The following MAD1L1 variants were observed in gnomAD, a reference collection of about 807,000 sequenced individuals.
MAD1L1 encodes the protein mitotic arrest deficient 1 like 1, also known as mitotic spindle assembly checkpoint protein MAD1.
Under a neutral mutation model 96.9 loss-of-function variants are expected in MAD1L1, and 95 were observed. The ratio of observed to expected loss-of-function variants is 0.98; its 90% CI spans 0.83 to 1.16. MAD1L1 has a LOEUF of 1.16. MAD1L1 is among the 50% of genes most tolerant of loss of function. MAD1L1 has a pLI of 0.00. For synonymous variants in MAD1L1, 473 were observed against 396.6 expected, an observed-to-expected ratio of 1.19 and a Z score of -2.29; for missense variants, 1,007 against 954.4, an observed-to-expected ratio of 1.06 and a Z score of -0.73.
At chr7:2,098,049 T>C (rs536408490) in intron 11 of MAD1L1, among the ~76,000 whole-genome samples, 8 of 152,176 alleles carry the variant, frequency 5.3e-5, no homozygotes, top group Admixed American at 1.3e-4. Flanking sequence ...GGCAGCGGAA[T>C]CACTCATGCG....
intron 3 of MAD1L1, among the ~76,000 whole-genome samples, chr7:2,229,215 G>A (rs994433788): frequency 6.6e-6 from 1 of 152,188 alleles, no homozygotes; most frequent in Non-Finnish European, 1.5e-5. Context: ...CAGGGACTGG[G>A]AAAGAGGGTC....
intron 10 of MAD1L1, among the ~76,000 whole-genome samples, chr7:2,185,623 C>T (rs946409841): frequency 6.6e-6 from 1 of 152,044 alleles, no homozygotes; most frequent in African/African-American, 2.4e-5. Context: ...CACGTGCATG[C>T]TTCTAGATTT....
chr7:1,919,956 C>A (rs1462452223), intron 17 of MAD1L1, among the ~76,000 whole-genome samples: 2 of 152,124 alleles, frequency 1.3e-5, no homozygotes, highest in African/African-American at 4.8e-5. Context: ...CACACCCCTC[C>A]TCCAGTCCAC....
In MAD1L1 at chr7:2,225,398, G is replaced by A. The variant is rs567052819; in HGVS notation, c.291+12C>T. On this transcript the variant is annotated intron_variant, in intron 4 of 18. Transcript: ENST00000265854. ...GGCTGTCTGGGCCGACCCTCGCCCC[G>A]CCTGAACCCACCTCGTAGTTCCTGG... is the stretch of plus-strand genomic sequence containing the variant. 1.6e-5 allele frequency: 26 copies of A among 1,611,840 alleles called. No homozygotes were observed. Among genetic ancestry groups the A allele is most frequent in the African/African-American group, 4.1e-5 (3 of 73,542 alleles).
At chr7:2,192,153 G>A (rs1791757754) in intron 10 of MAD1L1, among the ~76,000 whole-genome samples, 2 of 150,782 alleles carry the variant, frequency 1.3e-5, no homozygotes, top group Admixed American at 1.3e-4. Flanking sequence ...TTTTTGAGAT[G>A]GAGTTTTGTC....
intron 11 of MAD1L1, among the ~76,000 whole-genome samples, chr7:2,141,071 C>A (rs1317619591): frequency 6.6e-6 from 1 of 152,228 alleles, no homozygotes; most frequent in African/African-American, 2.4e-5. Flanking sequence ...CGGAGGCACC[C>A]CGGACAGACC....
intron 12 of MAD1L1, among the ~76,000 whole-genome samples, chr7:2,050,504 C>A (rs1335773217): frequency 6.6e-6 from 1 of 152,196 alleles, no homozygotes; most frequent in Non-Finnish European, 1.5e-5. Flanking sequence ...GTTGAAGCAC[C>A]CACAGAACCA....
intron 10 of MAD1L1, among the ~76,000 whole-genome samples, chr7:2,151,516 C>A (rs1268112062): frequency 1.3e-5 from 2 of 152,254 alleles, no homozygotes; most frequent in African/African-American, 2.4e-5. Flanking sequence ...AGAGGGCACA[C>A]TGCCTGCCAC....
At chr7:2,003,326 G>A (rs1781889121) in intron 13 of MAD1L1, among the ~76,000 whole-genome samples, 1 of 152,172 alleles carries the variant, frequency 6.6e-6, no homozygotes, top group Non-Finnish European at 1.5e-5. Flanking sequence ...CACATGTGGT[G>A]GGGATGGGGG....
At chr7:1,959,223 G>C (rs1779852621) in intron 15 of MAD1L1, among the ~76,000 whole-genome samples, 2 of 152,156 alleles carry the variant, frequency 1.3e-5, no homozygotes. Context: ...GTGCACTCCA[G>C]CACTGACAGA....
chr7:1,899,734 G>C (rs1234189950), intron 17 of MAD1L1, among the ~76,000 whole-genome samples: 2 of 152,298 alleles, frequency 1.3e-5, no homozygotes, highest in East Asian at 1.9e-4. Context: ...TGCTGGCCAG[G>C]TCACAGTGAG....
chr7:1,896,549 C>T (rs775886996), intron 18 of MAD1L1, among the ~76,000 whole-genome samples: 6 of 152,228 alleles, frequency 3.9e-5, no homozygotes, highest in Admixed American at 2.6e-4. Context: ...CCCAGGATCC[C>T]GAGTTCCCAG....
intron 10 of MAD1L1, among the ~76,000 whole-genome samples, chr7:2,204,645 A>G (rs531614999): frequency 6.6e-6 from 1 of 152,382 alleles, no homozygotes; most frequent in South Asian, 2.1e-4. Context: ...GCTGCCGCGC[A>G]TTACACTGCG....
At chr7:2,118,580 A>T (rs1297565171) in intron 11 of MAD1L1, among the ~76,000 whole-genome samples, 2 of 152,214 alleles carry the variant, frequency 1.3e-5, no homozygotes, top group African/African-American at 2.4e-5. Flanking sequence ...AGCACTATCA[A>T]GGCTGTTGTT....
chr7:1,822,667 T>G (rs1212303629), intron 18 of MAD1L1, among the ~76,000 whole-genome samples: 1 of 151,752 alleles, frequency 6.6e-6, no homozygotes, highest in Non-Finnish European at 1.5e-5. Context: ...CAAGCGATCC[T>G]TTTGCCTTGG....
chr7:2,122,659 G>A (rs926451009), intron 11 of MAD1L1, among the ~76,000 whole-genome samples: 5 of 152,104 alleles, frequency 3.3e-5, no homozygotes, highest in African/African-American at 1.2e-4. Context: ...AGTTGACGCT[G>A]GCCTGCTCCA....
chr7:1,906,936 A>C (rs1402186390), intron 17 of MAD1L1, among the ~76,000 whole-genome samples: 2 of 152,204 alleles, frequency 1.3e-5, no homozygotes, highest in Non-Finnish European at 2.9e-5. Flanking sequence ...ACCCGTGTTC[A>C]TCCCTGAACA....
intron 11 of MAD1L1, among the ~76,000 whole-genome samples, chr7:2,076,417 G>A (rs568782312): frequency 5.9e-5 from 9 of 152,336 alleles, no homozygotes; most frequent in African/African-American, 1.9e-4. Flanking sequence ...AAACCAGGAA[G>A]AGAGCCCTCC....
At chr7:2,093,389 C>T (rs1786315694) in intron 11 of MAD1L1, among the ~76,000 whole-genome samples, 1 of 152,064 alleles carries the variant, frequency 6.6e-6, no homozygotes, top group Non-Finnish European at 1.5e-5. Context: ...AGTATTTTCT[C>T]CTAAAATCCC....
Sources: allele counts gnomAD v4.1 joint callset (sites outside exome capture counted in the v4.1 genomes callset), GRCh38; gene constraint gnomAD v4.1.1; transcripts MANE v1.5; gene names NCBI Gene and HGNC (gene_info 2026-07-23, HGNC 2026-07-21).